IGF2R: variants seen among roughly 807,000 people sequenced by gnomAD.
IGF2R encodes the protein cation-independent mannose-6-phosphate receptor.
Under a neutral mutation model 270.6 loss-of-function variants are expected in IGF2R, and 91 were observed. The observed-to-expected ratio is 0.34, with a 90% CI of 0.28 to 0.40. The LOEUF (loss-of-function observed/expected upper bound fraction) is 0.40. IGF2R is among the 10% of genes least tolerant of loss of function. The probability of loss-of-function intolerance (pLI) is 1.00; values close to 1 mark genes in which losing one functional copy is unlikely to be tolerated. For synonymous variants in IGF2R, 1,316 were observed against 1,258.9 expected, an observed-to-expected ratio of 1.05 and a Z score of -0.96; for missense variants, 2,805 against 3,188.3, an observed-to-expected ratio of 0.88 and a Z score of 2.90.
chr6:160,061,625 C>A lies in IGF2R; in HGVS notation c.3385C>A (p.Pro1129Thr). The A allele has an allele frequency of 6.2e-7, 1 of 1,614,172 alleles. No individual in the cohort carries two copies. Among genetic ancestry groups the A allele is most frequent in the Non-Finnish European group, 8.5e-7 (1 of 1,180,020 alleles). ...CTATTTGAGCGTTTGCAATCCTCTC[C>A]CTTACATTCCTGGATGCCAGGGTGA... is the stretch of plus-strand genomic sequence containing the variant. Reference protein sequence around the residue: ...TFYLSVCNPLPYIPGCQGSAV... With the variant: ...TFYLSVCNPLTYIPGCQGSAV... Residue 1129 changes from proline to threonine, a missense_variant, in exon 24 of 48, where the codon CCT becomes ACT. Transcript: ENST00000356956.
At position 160,109,294 on chromosome 6, in the gene IGF2R, T is replaced by C. The variant is rs1294023103; in HGVS notation, c.*4210T>C. 1 of 152,116 alleles carries C rather than the reference T, an allele frequency of 6.6e-6. No individual in the cohort carries two copies. The highest frequency in any genetic ancestry group is 1.5e-5 in the Non-Finnish European group (1 of 68,026). 9.4% of individuals were successfully genotyped at this position (152,116 alleles called of 1,614,324 possible). ...GGCCTCGGTGACAACCAAGAAGTGA[T>C]GGTGGGTTGCTAGAGACAGGGTGGA... is the stretch of plus-strand genomic sequence containing the variant. On this transcript the variant is annotated 3_prime_UTR_variant, in exon 48 of 48. Transcript: ENST00000356956.
At chr6:160,069,357 T>C (rs1778664416) in intron 30 of IGF2R, among the ~76,000 whole-genome samples, 1 of 152,144 alleles carries the variant, frequency 6.6e-6, no homozygotes, top group Admixed American at 6.5e-5. Flanking sequence ...CTGTGTGGTT[T>C]GAGGCTGTGG....
At position 160,063,563 on chromosome 6, in the gene IGF2R, T is replaced by C. The variant is rs568112299; in HGVS notation, c.3819T>C (p.Ser1273=). Residue 1273 remains serine, a synonymous_variant, in exon 27 of 48, where the codon AGT becomes AGC. Coordinates refer to ENST00000356956, the MANE Select transcript of IGF2R (RefSeq NM_000876.4). ...TTTCCTCAGACGTCTGCCCCACAAG[T>C]GACAAGTCCAAGGTGGTCTCCTCAT... is the stretch of plus-strand genomic sequence containing the variant. ...GKLSSDVCPT[S]DKSKVVSSCQ... 1 of 1,614,238 alleles carries C rather than the reference T, an allele frequency of 6.2e-7. No homozygotes were observed. The highest frequency in any genetic ancestry group is 1.3e-5 in the African/African-American group (1 of 75,064).
In IGF2R at chr6:160,102,664, G is replaced by C. The variant is rs1293566885; in HGVS notation, c.6988G>C (p.Glu2330Gln). The change falls in exon 46 of 48, where the codon GAG (glutamate) becomes CAG (glutamine). Residue 2330 changes from glutamate to glutamine, a missense_variant. Around this residue, in one of 2 missense-constraint regions of IGF2R, gnomAD observed 1,851 missense variants for 2,207.2 expected, o/e 0.84. Transcript: ENST00000356956. The surrounding 1 kb of genome is among the most constrained non-coding windows in gnomAD (Gnocchi z 4.5). ...CLLALLLYKK[E>Q]RRETVISKLT... is the part of the protein sequence containing the mutation. The stretch of plus-strand genomic sequence containing the variant: ...GCTGGCCCTGTTGCTCTACAAGAAG[G>C]AGAGGAGGTAAGCGGGTGGCAGGGC... 6.2e-7 allele frequency: 1 copy of C among 1,602,788 alleles called. No homozygotes were observed. Among genetic ancestry groups the C allele is most frequent in the South Asian group, 1.1e-5 (1 of 90,306 alleles).
At chr6:160,103,304 C>G (rs755883) in intron 46 of IGF2R, among the ~76,000 whole-genome samples, 39,601 of 149,044 alleles carry the variant, frequency 0.27, 5,399 homozygotes, top group East Asian at 0.43. Flanking sequence ...CTGGGCAACA[C>G]AGTGAGACTC....
At chr6:160,044,782 T>C in intron 13 of IGF2R, 125 bp downstream of exon 13, 1 of 775,796 alleles carries the variant, frequency 1.3e-6, no homozygotes, top group African/African-American at 1.8e-5. Context: ...GTTCAGCATT[T>C]TGAGTTCCAG....
intron 30 of IGF2R, among the ~76,000 whole-genome samples, chr6:160,069,077 C>T (rs1457095493): frequency 2.6e-5 from 4 of 151,422 alleles, no homozygotes; most frequent in African/African-American, 9.7e-5. Context: ...TGGTGTGTGC[C>T]TGCGTATGTT....
At position 160,045,738 on chromosome 6, in the gene IGF2R, T is replaced by C. The variant is rs767055040; in HGVS notation, c.1766-7T>C. On this transcript the variant is annotated splice_polypyrimidine_tract_variant and splice_region_variant and intron_variant, in intron 13 of 47. Transcript: ENST00000356956. ...TAGTGATCCCCATCTCTTTTCCCCA[T>C]TGACAGGTGATCTGGAAAGTGCACC... 8.7e-6 allele frequency: 14 copies of C among 1,613,980 alleles called. No homozygotes were observed. In the South Asian group the frequency reaches 1.3e-4, roughly 15 times the overall value.
chr6:160,041,071 A>G (rs1254132846), intron 11 of IGF2R, among the ~76,000 whole-genome samples: 1 of 152,142 alleles, frequency 6.6e-6, no homozygotes, highest in Non-Finnish European at 1.5e-5. Flanking sequence ...CCGCTGCCTC[A>G]GCGTGCAGTG....
At chr6:159,984,511 T>C (rs952897367) in intron 1 of IGF2R, among the ~76,000 whole-genome samples, 1 of 152,242 alleles carries the variant, frequency 6.6e-6, no homozygotes, top group Non-Finnish European at 1.5e-5. Flanking sequence ...TTTAATCCTT[T>C]ATACCATATC....
intron 4 of IGF2R, among the ~76,000 whole-genome samples, chr6:160,022,013 A>AACACACACACACACACAC (rs58646750): frequency 0.051 from 7,240 of 142,678 alleles, 215 homozygotes; most frequent in East Asian, 0.11. Context: ...CTAGGTAAAG[A>AACACACACACACACACAC]ACACACACAC....
intron 1 of IGF2R, among the ~76,000 whole-genome samples, chr6:159,973,588 T>A (rs1197858020): frequency 6.6e-6 from 1 of 152,194 alleles, no homozygotes; most frequent in East Asian, 1.9e-4. Flanking sequence ...ATATGCCTAA[T>A]TTGGGCCACA....
At chr6:160,079,882 G>A (rs926645664) in intron 38 of IGF2R, 95 bp downstream of exon 38, 8 of 1,159,212 alleles carry the variant, frequency 6.9e-6, no homozygotes, top group African/African-American at 1.5e-5. Context: ...GGAGCTCCAC[G>A]GTCCTATGAG....
intron 29 of IGF2R, among the ~76,000 whole-genome samples, chr6:160,066,229 C>A (rs1462096764): frequency 1.3e-5 from 2 of 151,998 alleles, no homozygotes; most frequent in Non-Finnish European, 2.9e-5. Context: ...GTTGGCCAGG[C>A]TGGTCTCGAA....
At chr6:160,071,526 G>A (rs1778738377) in intron 31 of IGF2R, among the ~76,000 whole-genome samples, 1 of 152,188 alleles carries the variant, frequency 6.6e-6, no homozygotes, top group South Asian at 2.1e-4. Flanking sequence ...TTTTGACTGT[G>A]ATAATGGATT....
At chr6:160,062,354 A>G (rs1778459147) in intron 25 of IGF2R, among the ~76,000 whole-genome samples, 178 bp from the exon 26 acceptor site, 1 of 151,822 alleles carries the variant, frequency 6.6e-6, no homozygotes, top group Admixed American at 6.6e-5. Context: ...TTGTATTTTT[A>G]GTAGAGACGG....
chr6:160,094,026 C>A, intron 44 of IGF2R: 2 of 607,064 alleles, frequency 3.3e-6, no homozygotes, highest in South Asian at 2.9e-5. Context: ...TCCTTGCAGT[C>A]TAGTATTTAA....
At chr6:159,969,501 T>G in intron 1 of IGF2R, 106 bp downstream of exon 1, 1 of 859,062 alleles carries the variant, frequency 1.2e-6, no homozygotes, top group Non-Finnish European at 1.5e-6. Context: ...CCAAGTCGCC[T>G]CCGTTCCGCG....
chr6:160,077,923 C>G (rs911964154), intron 36 of IGF2R, among the ~76,000 whole-genome samples: 2 of 152,204 alleles, frequency 1.3e-5, no homozygotes, highest in Non-Finnish European at 2.9e-5. Flanking sequence ...CCCCTTTCTT[C>G]CTTTGAACCC....
Sources: gnomAD v4.1 joint callset for allele counts (sites outside exome capture counted in the v4.1 genomes callset) on GRCh38, gnomAD v4.1.1 for gene constraint, gnomAD v4.1.1 regional missense constraint, Gnocchi (gnomAD v3.1) non-coding constraint, MANE v1.5 for transcripts, NCBI Gene and HGNC (gene_info 2026-07-23, HGNC 2026-07-21) for gene names.